The following CKS2 variants were observed in gnomAD, a reference collection of about 807,000 sequenced individuals.
CKS2 encodes the protein CDC28 protein kinase regulatory subunit 2.
CKS2 carries 4 observed loss-of-function variants against 14.3 expected under a neutral mutation model. That is an observed-to-expected ratio of 0.28 (90% CI 0.14 to 0.64). The LOEUF (loss-of-function observed/expected upper bound fraction) is 0.64. Among genes scored for constraint, CKS2 ranks in the 30% least tolerant of loss-of-function variants. The pLI is 0.83. For synonymous variants in CKS2, 33 were observed against 28.7 expected, an observed-to-expected ratio of 1.15 and a Z score of -0.48; for missense variants, 71 against 94.3, an observed-to-expected ratio of 0.75 and a Z score of 1.02.
At chr9:89,313,213 T>C (rs1824651548) in intron 1 of CKS2, among the ~76,000 whole-genome samples, 1 of 152,232 alleles carries the variant, frequency 6.6e-6, no homozygotes, top group Non-Finnish European at 1.5e-5. Context: ...TGGTGCAGCA[T>C]GCAATGTAAA....
intron 1 of CKS2, among the ~76,000 whole-genome samples, chr9:89,311,650 G>A (rs1279055493): frequency 6.6e-6 from 1 of 152,240 alleles, no homozygotes; most frequent in Non-Finnish European, 1.5e-5. Context: ...CAACTTGGGG[G>A]TCATGGGGTC....
intron 2 of CKS2, 108 bp from the exon 3 acceptor site, chr9:89,316,265 A>C (rs1824710555): frequency 1.4e-6 from 1 of 725,054 alleles, no homozygotes; most frequent in Non-Finnish European, 2.4e-6. Context: ...AAACCAATTA[A>C]TAGTGGACTT....
intron 1 of CKS2, chr9:89,312,393 C>T (rs1824635715): frequency 6.5e-6 from 1 of 154,292 alleles, no homozygotes; most frequent in African/African-American, 2.4e-5. Context: ...GCGACTAGAA[C>T]GCTGCGTTCT....
chr9:89,315,415 A>C (rs1587815763), intron 2 of CKS2, 118 bp downstream of exon 2: 1 of 923,226 alleles, frequency 1.1e-6, no homozygotes, highest in Admixed American at 3.2e-5. Context: ...TGTTCTGATA[A>C]GTTTTTTTTT....
chr9:89,312,950 C>T (rs977842144), intron 1 of CKS2, among the ~76,000 whole-genome samples: 8 of 152,204 alleles, frequency 5.3e-5, no homozygotes, highest in African/African-American at 1.9e-4. Context: ...TCTCAGACTT[C>T]TTTCTGATGG....
At chr9:89,314,838 G>C (rs1355954055) in intron 1 of CKS2, among the ~76,000 whole-genome samples, 1 of 152,162 alleles carries the variant, frequency 6.6e-6, no homozygotes, top group Non-Finnish European at 1.5e-5. Flanking sequence ...TTCATAATAA[G>C]TTACACATTT....
At chr9:89,311,629 A>G (rs1038220694) in intron 1 of CKS2, among the ~76,000 whole-genome samples, 28 of 152,334 alleles carry the variant, frequency 1.8e-4, no homozygotes, top group Non-Finnish European at 2.9e-4. Flanking sequence ...GTACCTGGGT[A>G]GGAACCGGCG....
chr9:89,313,352 T>C (rs184189261), intron 1 of CKS2, among the ~76,000 whole-genome samples: 1 of 152,362 alleles, frequency 6.6e-6, no homozygotes, highest in Admixed American at 6.5e-5. Context: ...GGCATAACAG[T>C]GGGTGCCCCC....
At chr9:89,315,982 A>G (rs1288106319) in intron 2 of CKS2, among the ~76,000 whole-genome samples, 1 of 152,218 alleles carries the variant, frequency 6.6e-6, no homozygotes, top group African/African-American at 2.4e-5. Context: ...AAAGCATTGC[A>G]TCGAAAACTC....
chr9:89,316,453 T>C lies in CKS2; in HGVS notation c.*28T>C. On this transcript the variant is annotated 3_prime_UTR_variant, in exon 3 of 3. Coordinates refer to ENST00000314355, the MANE Select transcript of CKS2 (RefSeq NM_001827.3). Reference sequence around the variant, plus strand: ...TTTATCTGGGGATCGTCAAATCTTTTTCAAATTTAATGTATATGTGTATAT... The same window carrying C: ...TTTATCTGGGGATCGTCAAATCTTTCTCAAATTTAATGTATATGTGTATAT... 2 of 1,458,298 alleles carry C rather than the reference T, an allele frequency of 1.4e-6. No homozygotes were observed. Among genetic ancestry groups the C allele is most frequent in the East Asian group, 4.6e-5 (2 of 43,766 alleles). The allele number at this position is 1,458,298 out of a possible 1,614,324, so 90.3% of individuals were successfully genotyped here. A position where few individuals can be genotyped will look rare whatever the true frequency, so the allele number is the denominator to read the frequency against.
At chr9:89,314,584 G>A (rs1017704941) in intron 1 of CKS2, among the ~76,000 whole-genome samples, 1 of 152,178 alleles carries the variant, frequency 6.6e-6, no homozygotes. Flanking sequence ...TTGAGTAAGA[G>A]GAAACCCAAA....
chr9:89,312,015 A>G (rs1257718863), intron 1 of CKS2, among the ~76,000 whole-genome samples: 1 of 152,006 alleles, frequency 6.6e-6, no homozygotes, highest in Non-Finnish European at 1.5e-5. Flanking sequence ...GGGTATGGTG[A>G]TTTGGGCCAT....
chr9:89,316,598 A>T lies in CKS2; in HGVS notation c.*173A>T. On this transcript the variant is annotated 3_prime_UTR_variant, in exon 3 of 3. Coordinates refer to ENST00000314355, the MANE Select transcript of CKS2 (RefSeq NM_001827.3). ...ATGCAACTGCAAGTAGGTTACTGTA[A>T]GATGTTTAAGATAAAAGTTCTTCCA... The T allele has an allele frequency of 2.3e-6, 1 of 440,088 alleles. No individual in the cohort carries two copies. The highest frequency in any genetic ancestry group is 4.1e-6 in the Non-Finnish European group (1 of 242,958). 27.3% of individuals were successfully genotyped at this position (440,088 alleles called of 1,614,324 possible).
chr9:89,314,713 T>G lies in CKS2; in HGVS notation c.60-457T>G, dbSNP rs143679298. Among the ~76,000 whole-genome samples, 12 of 152,302 alleles carry G rather than the reference T, an allele frequency of 7.9e-5. No individual in the cohort carries two copies. The East Asian group carries it at 2.3e-3, about 29-fold the overall frequency. ...CCTCTTGTTGCTTTACCGTTCTCAA[T>G]TTACAGTTGCTTCTATGGTCCTAGA... On this transcript the variant is annotated intron_variant, in intron 1 of 2. Transcript: ENST00000314355.
intron 1 of CKS2, among the ~76,000 whole-genome samples, chr9:89,313,540 T>C (rs574597237): frequency 4.6e-5 from 7 of 152,358 alleles, no homozygotes; most frequent in South Asian, 4.1e-4. Flanking sequence ...AAAATACAGG[T>C]AGAATCCTCA....
Position 89,311,404 on chromosome 9 carries a change from G to C in CKS2, c.59+53G>C, listed in dbSNP as rs368906806. On this transcript the variant is annotated intron_variant, in intron 1 of 2. Transcript: ENST00000314355. ...GGCTCCCTCAGCCGGGGCCCCCGCGGGCGGGGCGACCCAGGCATAGTAGGG... is the reference window on the plus strand; with the variant it reads ...GGCTCCCTCAGCCGGGGCCCCCGCGCGCGGGGCGACCCAGGCATAGTAGGG... 7.1e-4 allele frequency: 1,069 copies of C among 1,511,496 alleles called. 7 individuals carry two copies. In the African/African-American group the frequency reaches 0.013, roughly 18 times the overall value. The allele number at this position is 1,511,496 out of a possible 1,614,324, so 93.6% of individuals were successfully genotyped here. A position where few individuals can be genotyped will look rare whatever the true frequency, so the allele number is the denominator to read the frequency against.
intron 2 of CKS2, 54 bp downstream of exon 2, chr9:89,315,351 TG>T: frequency 1.4e-6 from 2 of 1,413,514 alleles, no homozygotes; most frequent in South Asian, 3.2e-5. Context: ...TTGGTGGTTA[TG>T]GTTGTCAAAA....
At position 89,311,334 on chromosome 9, in the gene CKS2, C is replaced by T; in HGVS notation, c.42C>T (p.Asp14=). Residue 14 remains aspartate, a synonymous_variant, in exon 1 of 3, where the codon GAC becomes GAT. Coordinates refer to ENST00000314355, the MANE Select transcript of CKS2 (RefSeq NM_001827.3). ...KQIYYSDKYF[D]EHYEYRHVML... is the part of the protein sequence containing the mutation. ...TCTACTACTCGGACAAGTACTTCGA[C>T]GAACACTACGAGTACCGGTGGGCGC... 6.2e-7 allele frequency: 1 copy of T among 1,610,432 alleles called. No individual in the cohort carries two copies. Among genetic ancestry groups the T allele is most frequent in the East Asian group, 2.3e-5 (1 of 44,152 alleles).
intron 1 of CKS2, 78 bp downstream of exon 1, chr9:89,311,429 GTC>G: frequency 8.7e-7 from 1 of 1,151,404 alleles, no homozygotes; most frequent in Non-Finnish European, 1.2e-6. Flanking sequence ...GCATAGTAGG[GTC>G]GGGGGTGGGG....
Sources: allele counts gnomAD v4.1 joint callset (sites outside exome capture counted in the v4.1 genomes callset), GRCh38; gene constraint gnomAD v4.1.1; transcripts MANE v1.5; gene names NCBI Gene and HGNC (gene_info 2026-07-23, HGNC 2026-07-21).